The following NOTO variants were observed in gnomAD, a reference collection of about 807,000 sequenced individuals.
The protein encoded by NOTO is notochord homeobox.
A neutral mutation model predicts 20.5 loss-of-function variants in NOTO; 19 were observed. The observed-to-expected ratio is 0.93, with a 90% CI of 0.65 to 1.36. The LOEUF is 1.36. NOTO is among the 40% of genes most tolerant of loss of function. The pLI is 0.00. For synonymous variants in NOTO, 150 were observed against 150.2 expected (o/e 1.00, Z 0.01); for missense variants, 369 against 336.2 (o/e 1.10, Z -0.76).
At chr2:73,209,378 C>T (rs1467788340) in intron 2 of NOTO, among the ~76,000 whole-genome samples, 1 of 152,158 alleles carries the variant, frequency 6.6e-6, no homozygotes, top group Non-Finnish European at 1.5e-5. Context: ...CACATTCCAA[C>T]ATGACTTTTC....
intron 2 of NOTO, among the ~76,000 whole-genome samples, chr2:73,210,297 G>A (rs78849221): frequency 0.095 from 14,473 of 152,142 alleles, 896 homozygotes; most frequent in African/African-American, 0.17. Context: ...CCATTTCAGA[G>A]CCTTCCTACA....
chr2:73,207,370 A>G (rs185841471), intron 1 of NOTO, among the ~76,000 whole-genome samples: 203 of 152,242 alleles, frequency 1.3e-3, no homozygotes, highest in Non-Finnish European at 2.5e-3. Flanking sequence ...GAGTGGCCTT[A>G]GCATTATGCT....
chr2:73,205,123 A>T (rs1686072842), intron 1 of NOTO, among the ~76,000 whole-genome samples: 2 of 151,626 alleles, frequency 1.3e-5, no homozygotes, highest in Admixed American at 6.6e-5. Context: ...CTCGTGATGT[A>T]TTTCTTTTTC....
chr2:73,210,698 G>A, intron 2 of NOTO, 73 bp from the exon 3 acceptor site: 1 of 1,315,290 alleles, frequency 7.6e-7, no homozygotes, highest in Non-Finnish European at 1.0e-6. Flanking sequence ...AGAGAGGGGT[G>A]TTCACTCCAG....
At position 73,210,791 on chromosome 2, in the gene NOTO, C is replaced by A. The variant is rs2103698138; in HGVS notation, c.618C>A (p.Asn206Lys). 6.4e-7 allele frequency: 1 copy of A among 1,551,170 alleles called. No individual in the cohort carries two copies. Among genetic ancestry groups the A allele is most frequent in the South Asian group, 1.2e-5 (1 of 83,984 alleles). Reference sequence around the variant, plus strand: ...TATAGGTGAGAGTCTGGTTCCAGAACCGCAGGGTCAAGTATCAGAAGCAGC... The same window carrying A: ...TATAGGTGAGAGTCTGGTTCCAGAAACGCAGGGTCAAGTATCAGAAGCAGC... Reference protein sequence around the residue: ...TENQVRVWFQNRRVKYQKQQK... With the variant: ...TENQVRVWFQKRRVKYQKQQK... Residue 206 changes from asparagine to lysine, a missense_variant, in exon 3 of 3, where the codon AAC (asparagine) becomes AAA (lysine). Coordinates refer to ENST00000398468, the MANE Select transcript of NOTO (RefSeq NM_001134462.2).
rs1025408663 is a variant in NOTO at position 73,202,843 on chromosome 2, C to G, written c.177C>G (p.Asp59Glu). Residue 59 changes from aspartate (D) to glutamate (E), a missense_variant, in exon 1 of 3, where the codon GAC (aspartate) becomes GAG (glutamate). Physicochemically the swap from Asp to Glu is conservative, Grantham distance 45. Transcript: ENST00000398468. ...TCGAGGCCATCCTGGCGAGGCCCGA[C>G]CCCTGCGCGCCGGCGGCCTCCCAGC... ...FSVEAILARP[D>E]PCAPAASQPS... 2.0e-6 allele frequency: 3 copies of G among 1,525,986 alleles called. No individual in the cohort carries two copies. Among genetic ancestry groups the G allele is most frequent in the Non-Finnish European group, 2.6e-6 (3 of 1,142,228 alleles). 94.5% of individuals were successfully genotyped at this position (1,525,986 alleles called of 1,614,324 possible).
rs1686171508 is a variant in NOTO, at chr2:73,210,947, C to T, written c.*18C>T. On this transcript the variant is annotated 3_prime_UTR_variant, in exon 3 of 3. Transcript: ENST00000398468. ...ACGGCTGAAGACTGGGACAGAGGCC[C>T]TAGCCAGGCTGCCTGGACTAGTTCC... 1.3e-6 allele frequency: 2 copies of T among 1,541,802 alleles called. No homozygotes were observed. The highest frequency in any genetic ancestry group is 2.7e-5 in the African/African-American group (2 of 72,854).
chr2:73,204,480 A>G (rs995134588), intron 1 of NOTO, among the ~76,000 whole-genome samples: 2 of 151,974 alleles, frequency 1.3e-5, no homozygotes, highest in African/African-American at 2.4e-5. Flanking sequence ...CCGGGTTCCT[A>G]CTCCGTGGCA....
chr2:73,209,669 A>C (rs2103696673), intron 2 of NOTO, among the ~76,000 whole-genome samples: 1 of 152,206 alleles, frequency 6.6e-6, no homozygotes, highest in East Asian at 1.9e-4. Context: ...CGTGGCTTAA[A>C]ATACCATCTA....
At chr2:73,203,870 ACGGGCGG>A (rs1558546693) in intron 1 of NOTO, among the ~76,000 whole-genome samples, 2 of 88,450 alleles carry the variant, frequency 2.3e-5, no homozygotes, top group Non-Finnish European at 2.3e-5. Flanking sequence ...GGAGGCCGAG[ACGGGCGG>A]ATCACGAGGT....
At chr2:73,208,712 T>C in intron 2 of NOTO, 98 bp downstream of exon 2, 1 of 772,018 alleles carries the variant, frequency 1.3e-6, no homozygotes, top group Non-Finnish European at 2.2e-6. Context: ...ATATGGGCCC[T>C]CTTCCCTGTG....
At chr2:73,205,475 G>A (rs1001286465) in intron 1 of NOTO, among the ~76,000 whole-genome samples, 11 of 152,178 alleles carry the variant, frequency 7.2e-5, no homozygotes, top group Non-Finnish European at 1.5e-4. Flanking sequence ...TCCAGCCTGG[G>A]CAACAGAACA....
chr2:73,204,098 C>CAAAAA, intron 1 of NOTO, among the ~76,000 whole-genome samples: 1 of 27,378 alleles, frequency 3.7e-5, no homozygotes, highest in Non-Finnish European at 6.4e-5. Flanking sequence ...AACTCCGTCT[C>CAAAAA]AAAAAAAAAA....
intron 1 of NOTO, among the ~76,000 whole-genome samples, chr2:73,207,909 T>C (rs1184415420): frequency 6.6e-6 from 1 of 152,216 alleles, no homozygotes; most frequent in Non-Finnish European, 1.5e-5. Context: ...TTCTATCTCT[T>C]CTGACCTCAT....
At chr2:73,210,648 A>C (rs1230094886) in intron 2 of NOTO, 123 bp from the exon 3 acceptor site, 6 of 727,898 alleles carry the variant, frequency 8.2e-6, no homozygotes, top group Non-Finnish European at 1.3e-5. Flanking sequence ...GTTTTGGAGG[A>C]GGTACCTCCC....
Position 73,208,707 on chromosome 2 carries a change from G to T in NOTO, c.597+93G>T. On this transcript the variant is annotated intron_variant, in intron 2 of 2. Transcript: ENST00000398468. Reference sequence around the variant, plus strand: ...AAAAGGAGGGTGGGAGGAAGATATGGGCCCTCTTCCCTGTGCCAGGCTGTT... The same window carrying T: ...AAAAGGAGGGTGGGAGGAAGATATGTGCCCTCTTCCCTGTGCCAGGCTGTT... 4 of 806,732 alleles carry T rather than the reference G, an allele frequency of 5.0e-6. No individual in the cohort carries two copies. In the South Asian group the frequency reaches 6.4e-5, roughly 13 times the overall value. 50.0% of individuals were successfully genotyped at this position (806,732 alleles called of 1,614,324 possible). A position where few individuals can be genotyped will look rare whatever the true frequency, so the allele number is the denominator to read the frequency against.
rs1686171377 is a variant in NOTO at position 73,210,934 on chromosome 2, T to C, written c.*5T>C. 1 of 1,549,018 alleles carries C rather than the reference T, an allele frequency of 6.5e-7. No homozygotes were observed. Among genetic ancestry groups the C allele is most frequent in the Non-Finnish European group, 8.7e-7 (1 of 1,145,222 alleles). Reference sequence around the variant, plus strand: ...GAGTCAGGAGTGGACGGCTGAAGACTGGGACAGAGGCCCTAGCCAGGCTGC... The same window carrying C: ...GAGTCAGGAGTGGACGGCTGAAGACCGGGACAGAGGCCCTAGCCAGGCTGC... On this transcript the variant is annotated 3_prime_UTR_variant, in exon 3 of 3. Coordinates refer to ENST00000398468, the MANE Select transcript of NOTO (RefSeq NM_001134462.2).
chr2:73,208,722 G>A, intron 2 of NOTO, 108 bp downstream of exon 2: 2 of 721,598 alleles, frequency 2.8e-6, no homozygotes, highest in South Asian at 3.5e-5. Flanking sequence ...TCTTCCCTGT[G>A]CCAGGCTGTT....
intron 1 of NOTO, among the ~76,000 whole-genome samples, chr2:73,207,202 T>A (rs1234678410): frequency 6.6e-6 from 1 of 152,186 alleles, no homozygotes; most frequent in African/African-American, 2.4e-5. Context: ...GTATGTCTGA[T>A]GGGCTTTTCC....
Sources: allele counts gnomAD v4.1 joint callset (sites outside exome capture counted in the v4.1 genomes callset), GRCh38; gene constraint gnomAD v4.1.1; transcripts MANE v1.5; gene names NCBI Gene and HGNC (gene_info 2026-07-23, HGNC 2026-07-21).